USP31: variants seen among roughly 807,000 people sequenced by gnomAD.
The protein encoded by USP31 is ubiquitin carboxyl-terminal hydrolase 31.
In USP31, 44 loss-of-function variants were observed where a neutral mutation model predicts 119.4. The ratio of observed to expected loss-of-function variants is 0.37; its 90% CI spans 0.29 to 0.47. The LOEUF (loss-of-function observed/expected upper bound fraction) is 0.47, where lower values mean the gene tolerates loss of function less well. USP31 is among the 20% of genes least tolerant of loss of function. USP31 has a pLI of 0.99. For synonymous variants in USP31, 749 were observed against 705.6 expected (o/e 1.06, Z -0.97); for missense variants, 1,643 against 1,730.2 (o/e 0.95, Z 0.89).
At chr16:23,143,074 T>C (rs1431044174) in intron 1 of USP31, among the ~76,000 whole-genome samples, 1 of 152,188 alleles carries the variant, frequency 6.6e-6, no homozygotes, top group East Asian at 1.9e-4. Flanking sequence ...TATACAAGTT[T>C]ATTCCTTTTG....
chr16:23,080,181 G>A lies in USP31; in HGVS notation c.1951-10C>T, dbSNP rs750464534. ...TGCGCCTGTCTCCTTCCTGTTGCAA[G>A]AAGAAAAACAAGTTCTGGTGATATT... On this transcript the variant is annotated splice_polypyrimidine_tract_variant and intron_variant, in intron 12 of 15. Transcript: ENST00000219689. 8 of 1,527,472 alleles carry A rather than the reference G, an allele frequency of 5.2e-6. No homozygotes were observed. In the Admixed American group the frequency reaches 1.1e-4, roughly 21 times the overall value. The allele number at this position is 1,527,472 out of a possible 1,614,324, so 94.6% of individuals were successfully genotyped here. A position where few individuals can be genotyped will look rare whatever the true frequency, so the allele number is the denominator to read the frequency against.
At chr16:23,139,775 C>G (rs1903300367) in intron 1 of USP31, among the ~76,000 whole-genome samples, 1 of 152,162 alleles carries the variant, frequency 6.6e-6, no homozygotes, top group African/African-American at 2.4e-5. Context: ...GCTCCCAACC[C>G]CATATATTCA....
intron 14 of USP31, 77 bp downstream of exon 14, chr16:23,073,644 TC>T: frequency 6.6e-7 from 1 of 1,523,902 alleles, no homozygotes. Context: ...CATGAGAGCC[TC>T]CAGAGAGGTC....
intron 2 of USP31, among the ~76,000 whole-genome samples, chr16:23,106,875 G>C (rs985947248): frequency 6.6e-6 from 1 of 152,198 alleles, no homozygotes; most frequent in East Asian, 1.9e-4. Context: ...CACTTTGAGA[G>C]GCAGGGGTGG....
At chr16:23,103,813 G>A (rs1901982469) in intron 5 of USP31, among the ~76,000 whole-genome samples, 1 of 152,178 alleles carries the variant, frequency 6.6e-6, no homozygotes, top group Admixed American at 6.5e-5. Flanking sequence ...TACTTGGGAA[G>A]CTGAGGTGGG....
intron 1 of USP31, among the ~76,000 whole-genome samples, chr16:23,132,119 A>G (rs1903047241): frequency 6.6e-6 from 1 of 152,244 alleles, no homozygotes; most frequent in South Asian, 2.1e-4. Context: ...TTCTAAATAG[A>G]GAAAGATCAC....
At chr16:23,124,402 C>T (rs892413099) in intron 1 of USP31, among the ~76,000 whole-genome samples, 1 of 152,198 alleles carries the variant, frequency 6.6e-6, no homozygotes, top group Admixed American at 6.5e-5. Flanking sequence ...ACGTAAAAGA[C>T]TCATTCCCCA....
chr16:23,137,630 T>C (rs768671419), intron 1 of USP31, among the ~76,000 whole-genome samples: 67 of 151,628 alleles, frequency 4.4e-4, no homozygotes, highest in South Asian at 6.2e-4. Context: ...TATATATATA[T>C]ACATATAACA....
Position 23,063,420 on chromosome 16 carries a change from C to T in USP31, c.*4626G>A, listed in dbSNP as rs1899931517. The T allele has an allele frequency of 6.6e-6, 1 of 152,578 alleles. No individual in the cohort carries two copies. The highest frequency in any genetic ancestry group is 2.1e-4 in the South Asian group (1 of 4,822). 9.5% of individuals were successfully genotyped at this position (152,578 alleles called of 1,614,324 possible). On this transcript the variant is annotated 3_prime_UTR_variant, in exon 16 of 16. Coordinates refer to ENST00000219689, the MANE Select transcript of USP31 (RefSeq NM_020718.4). ...AGCACTATTAGAAGCCACATTCTTT[C>T]CTTGTGACCAAAATAGAACCCTTGA...
chr16:23,124,162 A>G, intron 1 of USP31, among the ~76,000 whole-genome samples: 1 of 152,178 alleles, frequency 6.6e-6, no homozygotes, highest in East Asian at 1.9e-4. Flanking sequence ...ACCACTCAAT[A>G]GGGCCTATGT....
chr16:23,069,517 A>G lies in USP31; in HGVS notation c.2588T>C (p.Met863Thr), dbSNP rs781215798. 45 of 1,614,098 alleles carry G rather than the reference A, an allele frequency of 2.8e-5. No homozygotes were observed. The Middle Eastern group carries it at 1.2e-3, about 41-fold the overall frequency. Residue 863 changes from methionine to threonine, a missense_variant, in exon 16 of 16, where the codon ATG becomes ACG. Transcript: ENST00000219689. Reference sequence around the variant, plus strand: ...AGCAGACAGGGACCATGAAGGTCTCATGCAATTTTCATTGACGGCCAAGGG... The same window carrying G: ...AGCAGACAGGGACCATGAAGGTCTCGTGCAATTTTCATTGACGGCCAAGGG... ...TSPLAVNENCMRPSWSLSAKL... is the reference protein window; with the variant it reads ...TSPLAVNENCTRPSWSLSAKL...
In USP31 at chr16:23,066,230, T is replaced by C. The variant is rs1234575199; in HGVS notation, c.*1816A>G. 1.3e-5 allele frequency: 2 copies of C among 152,616 alleles called. No individual in the cohort carries two copies. Among genetic ancestry groups the C allele is most frequent in the Admixed American group, 6.5e-5 (1 of 15,286 alleles). The allele number at this position is 152,616 out of a possible 1,614,324, so 9.5% of individuals were successfully genotyped here. A position where few individuals can be genotyped will look rare whatever the true frequency, so the allele number is the denominator to read the frequency against. On this transcript the variant is annotated 3_prime_UTR_variant, in exon 16 of 16. Transcript: ENST00000219689. ...ACAGTCAATGAATCACATGGAGCAC[T>C]GTGGTAACTTTCACAAGGCTAAATG...
chr16:23,140,373 G>A (rs1903319761), intron 1 of USP31, among the ~76,000 whole-genome samples: 1 of 152,038 alleles, frequency 6.6e-6, no homozygotes, highest in African/African-American at 2.4e-5. Context: ...ACATCTAGTG[G>A]GTGAAGGCCA....
rs1903645015 is a variant in USP31, at chr16:23,149,239, G to A, written c.32C>T (p.Pro11Leu). 8.9e-7 allele frequency: 1 copy of A among 1,122,318 alleles called. No individual in the cohort carries two copies. The allele number at this position is 1,122,318 out of a possible 1,614,324, so 69.5% of individuals were successfully genotyped here. Residue 11 changes from proline (P) to leucine (L), a missense_variant, in exon 1 of 16, where the codon CCG becomes CTG. This residue lies in a region of USP31 where 302 missense variants were observed against 262.6 expected (regional missense o/e 1.15). Coordinates refer to ENST00000219689, the MANE Select transcript of USP31 (RefSeq NM_020718.4). MSKVTAPGSGPPAAASGKEKR... is the reference protein window; with the variant it reads MSKVTAPGSGLPAAASGKEKR... ...CTCCTTCCCGCTCGCCGCCGCCGGC[G>A]GCCCGGACCCAGGCGCCGTTACCTT...
At position 23,148,965 on chromosome 16, in the gene USP31, G is replaced by A; in HGVS notation, c.306C>T (p.Pro102=). ...GCGGCGGCGGGCACGGCGGCGGCGT[G>A]GGCGCGGCGGCCGGCCCGGGCGGGA... is the stretch of plus-strand genomic sequence containing the variant. ...SCFPPGPAAA[P]TPPPCPPPPA... Residue 102 remains proline, a synonymous_variant, in exon 1 of 16, where the codon CCC becomes CCT. Coordinates refer to ENST00000219689, the MANE Select transcript of USP31 (RefSeq NM_020718.4). 2.0e-6 allele frequency: 2 copies of A among 1,015,898 alleles called. No homozygotes were observed. Among genetic ancestry groups the A allele is most frequent in the Non-Finnish European group, 2.4e-6 (2 of 846,920 alleles). The allele number at this position is 1,015,898 out of a possible 1,614,324, so 62.9% of individuals were successfully genotyped here.
chr16:23,098,311 A>G (rs1208510997), intron 6 of USP31, among the ~76,000 whole-genome samples: 1 of 152,210 alleles, frequency 6.6e-6, no homozygotes, highest in Non-Finnish European at 1.5e-5. Flanking sequence ...CCACTGCTCA[A>G]TGAAATAAAA....
chr16:23,134,977 G>A (rs1389569809), intron 1 of USP31, among the ~76,000 whole-genome samples: 1 of 151,480 alleles, frequency 6.6e-6, no homozygotes, highest in Non-Finnish European at 1.5e-5. Flanking sequence ...AATCTAAATA[G>A]ACATCATAAC....
chr16:23,069,632 A>AGAATACTGTTAAGTTAAGC lies in USP31; in HGVS notation c.2489-35_2489-17dup, dbSNP rs1283764006. 6.3e-7 allele frequency: 1 copy of AGAATACTGTTAAGTTAAGC among 1,583,966 alleles called. No homozygotes were observed. Among genetic ancestry groups the AGAATACTGTTAAGTTAAGC allele is most frequent in the Admixed American group, 1.7e-5 (1 of 57,218 alleles). On this transcript the variant is annotated splice_polypyrimidine_tract_variant and intron_variant, in intron 15 of 15. Transcript: ENST00000219689. ...GAAAAGCCTCCTGAACACAGTAAAG[A>AGAATACTGTTAAGTTAAGC]GAATACTGTTAAGTTAAGCCAATGA...
chr16:23,064,718 T>A lies in USP31; in HGVS notation c.*3328A>T, dbSNP rs1222232939. On this transcript the variant is annotated 3_prime_UTR_variant, in exon 16 of 16. Coordinates refer to ENST00000219689, the MANE Select transcript of USP31 (RefSeq NM_020718.4). ...TCACTCCATTTAGGACACCATCACATCCCTTGCTTGATGGGCTGTGCTCCC... is the reference window on the plus strand; with the variant it reads ...TCACTCCATTTAGGACACCATCACAACCCTTGCTTGATGGGCTGTGCTCCC... The A allele has an allele frequency of 6.6e-6, 1 of 152,210 alleles. No homozygotes were observed. The highest frequency in any genetic ancestry group is 1.5e-5 in the Non-Finnish European group (1 of 68,046). 9.4% of individuals were successfully genotyped at this position (152,210 alleles called of 1,614,324 possible).
Sources: allele counts gnomAD v4.1 joint callset (sites outside exome capture counted in the v4.1 genomes callset), GRCh38; gene constraint gnomAD v4.1.1; regional missense constraint gnomAD v4.1.1; transcripts MANE v1.5; gene names NCBI Gene and HGNC (gene_info 2026-07-23, HGNC 2026-07-21).